Variants in NUMB observed in about 807,000 individuals in gnomAD.
NUMB encodes the protein NUMB endocytic adaptor protein.
NUMB carries 29 observed loss-of-function variants against 59.7 expected under a neutral mutation model. The ratio of observed to expected loss-of-function variants is 0.49; its 90% CI spans 0.36 to 0.66. The LOEUF (loss-of-function observed/expected upper bound fraction) is 0.66. NUMB is among the 30% of genes least tolerant of loss of function. NUMB has a pLI of 0.00. For missense variants in NUMB, 723 were observed against 822.0 expected, an observed-to-expected ratio of 0.88 and a Z score of 1.47; for synonymous variants, 288 against 288.2, an observed-to-expected ratio of 1.00 and a Z score of 0.01.
chr14:73,404,260 A>AAATAAT lies in NUMB; in HGVS notation c.-101+5671_-101+5676dup, dbSNP rs10677503. Among the ~76,000 whole-genome samples the AAATAAT allele has an allele frequency of 7.2e-3, 1,046 of 145,958 alleles. 8 individuals are homozygous for AAATAAT. Among genetic ancestry groups the AAATAAT allele is most frequent in the East Asian group, 0.015 (76 of 4,936 alleles). On this transcript the variant is annotated intron_variant, in intron 2 of 12. Coordinates refer to ENST00000555238, the MANE Select transcript of NUMB (RefSeq NM_001005743.2). ...ATGTCTCAAAAAACAAAAAAAGGTAAAATAATAATAATAATAATAATAATA... is the reference window on the plus strand; with the variant it reads ...ATGTCTCAAAAAACAAAAAAAGGTAAAATAATAATAATAATAATAATAATAATAATA...
At chr14:73,402,217 T>C (rs1278734501) in intron 2 of NUMB, among the ~76,000 whole-genome samples, 5 of 152,216 alleles carry the variant, frequency 3.3e-5, no homozygotes, top group African/African-American at 1.2e-4. Flanking sequence ...ATCCAGTTTC[T>C]GCAGCTATTT....
At chr14:73,370,650 C>T (rs900699674) in intron 2 of NUMB, among the ~76,000 whole-genome samples, 3 of 152,048 alleles carry the variant, frequency 2.0e-5, no homozygotes, top group Admixed American at 6.6e-5. Context: ...CGAGATTGTG[C>T]CACTGCACTC....
intron 4 of NUMB, among the ~76,000 whole-genome samples, chr14:73,342,121 C>G (rs1892668429): frequency 6.6e-6 from 1 of 152,148 alleles, no homozygotes; most frequent in Non-Finnish European, 1.5e-5. Context: ...GGTCTCAAAC[C>G]CCTGGGCCCA....
At chr14:73,358,611 T>C (rs1392015242) in intron 3 of NUMB, among the ~76,000 whole-genome samples, 2 of 149,974 alleles carry the variant, frequency 1.3e-5, no homozygotes, top group East Asian at 1.9e-4. Context: ...ACTTTTTTTT[T>C]TTTTTTTTTT....
intron 4 of NUMB, among the ~76,000 whole-genome samples, chr14:73,353,851 C>A (rs1049645922): frequency 6.6e-6 from 1 of 151,768 alleles, no homozygotes; most frequent in Non-Finnish European, 1.5e-5. Context: ...AGTAAGCCAA[C>A]TGTATGGTGG....
chr14:73,287,038 TG>T, intron 9 of NUMB, 71 bp downstream of exon 9: 2 of 1,414,414 alleles, frequency 1.4e-6, no homozygotes, highest in Non-Finnish European at 2.0e-6. Context: ...AATTTACCCC[TG>T]GTAGCTTCAA....
intron 6 of NUMB, among the ~76,000 whole-genome samples, chr14:73,306,128 G>A (rs1483485190): frequency 6.6e-6 from 1 of 152,158 alleles, no homozygotes; most frequent in Non-Finnish European, 1.5e-5. Context: ...ACTGTGCTCA[G>A]GAAGAGTACA....
chr14:73,316,829 A>G (rs148159012), intron 5 of NUMB, among the ~76,000 whole-genome samples: 10 of 152,354 alleles, frequency 6.6e-5, no homozygotes, highest in African/African-American at 2.4e-4. Flanking sequence ...GGTTCCATAT[A>G]CATTTTTTAA....
intron 2 of NUMB, chr14:73,409,405 A>G (rs1896812758): frequency 6.6e-6 from 1 of 152,204 alleles, no homozygotes; most frequent in Non-Finnish European, 1.5e-5. Flanking sequence ...TCTTGCCAAC[A>G]GCCCAGGCTG....
chr14:73,424,825 G>C (rs1391537309), intron 1 of NUMB, among the ~76,000 whole-genome samples: 1 of 152,194 alleles, frequency 6.6e-6, no homozygotes, highest in Non-Finnish European at 1.5e-5. Flanking sequence ...TGACCGTTCT[G>C]ATTTATAAAG....
In NUMB at chr14:73,316,511, G is replaced by T; in HGVS notation, c.202-89C>A. 5 of 1,275,044 alleles carry T rather than the reference G, an allele frequency of 3.9e-6. No homozygotes were observed. The Admixed American group carries it at 5.5e-5, about 14-fold the overall frequency. 79.0% of individuals were successfully genotyped at this position (1,275,044 alleles called of 1,614,324 possible). A position where few individuals can be genotyped will look rare whatever the true frequency, so the allele number is the denominator to read the frequency against. ...CACCAATAAGCACATACAGAAATTG[G>T]GGAAAGGAAAAAGTGGGAGAAGGGG... On this transcript the variant is annotated intron_variant, in intron 5 of 12. Transcript: ENST00000555238.
At position 73,284,386 on chromosome 14, in the gene NUMB, A is replaced by T; in HGVS notation, c.656-12T>A. The T allele has an allele frequency of 6.2e-7, 1 of 1,603,806 alleles. No homozygotes were observed. The highest frequency in any genetic ancestry group is 8.5e-7 in the Non-Finnish European group (1 of 1,173,938). ...CTTATCTGTTTCAGCTCAAGAAAAT[A>T]AAGAGAATGAAGACCTTAGCAATGT... On this transcript the variant is annotated splice_polypyrimidine_tract_variant and intron_variant, in intron 9 of 12. Transcript: ENST00000555238.
chr14:73,372,623 T>C (rs1003641339), intron 2 of NUMB, among the ~76,000 whole-genome samples: 1 of 151,506 alleles, frequency 6.6e-6, no homozygotes, highest in African/African-American at 2.4e-5. Flanking sequence ...TCTCCAACAA[T>C]GAAAAAACTT....
Position 73,445,354 on chromosome 14 carries a change from C to CAAAAAAAAAA in NUMB, c.-233+13129_-233+13138dup, listed in dbSNP as rs752154048. The stretch of plus-strand genomic sequence containing the variant: ...TGAGTGACAAAGTGAGACCCTGTCT[C>CAAAAAAAAAA]AAAAAAAAAAAAAAAAAAAAAAAAA... On this transcript the variant is annotated intron_variant, in intron 1 of 12. Transcript: ENST00000555238. Among the ~76,000 whole-genome samples, 62 of 57,566 alleles carry CAAAAAAAAAA rather than the reference C, an allele frequency of 1.1e-3. 5 individuals carry two copies. Among genetic ancestry groups the CAAAAAAAAAA allele is most frequent in the East Asian group, 2.4e-3 (2 of 828 alleles). The allele number at this position is 57,566 out of a possible 152,430, so 37.8% of individuals were successfully genotyped here. A position where few individuals can be genotyped will look rare whatever the true frequency, so the allele number is the denominator to read the frequency against.
At chr14:73,308,464 C>T (rs1416922094) in intron 6 of NUMB, among the ~76,000 whole-genome samples, 1 of 152,140 alleles carries the variant, frequency 6.6e-6, no homozygotes, top group Non-Finnish European at 1.5e-5. Context: ...CACCTATCTA[C>T]CAAAACAGGC....
chr14:73,368,749 A>G (rs182950689), intron 2 of NUMB, among the ~76,000 whole-genome samples: 127 of 152,304 alleles, frequency 8.3e-4, no homozygotes, highest in Non-Finnish European at 1.4e-3. Context: ...AAGAAAAGGA[A>G]TATTAAAAGC....
At chr14:73,378,203 C>T (rs1895063283) in intron 2 of NUMB, among the ~76,000 whole-genome samples, 1 of 152,136 alleles carries the variant, frequency 6.6e-6, no homozygotes, top group Non-Finnish European at 1.5e-5. Context: ...CAACCAGATA[C>T]CATTACACAC....
At chr14:73,442,949 A>ACCTCCTCGGCTCAAGTGAT (rs1052562424) in intron 1 of NUMB, among the ~76,000 whole-genome samples, 1 of 151,850 alleles carries the variant, frequency 6.6e-6, no homozygotes, top group African/African-American at 2.4e-5. Context: ...TGCAACCTCT[A>ACCTCCTCGGCTCAAGTGAT]CCTCCTCGGC....
intron 11 of NUMB, among the ~76,000 whole-genome samples, chr14:73,280,429 A>G (rs1351659262): frequency 6.6e-6 from 1 of 151,812 alleles, no homozygotes; most frequent in African/African-American, 2.4e-5. Flanking sequence ...TAACTCACAG[A>G]ACATTTTTTA....
Sources: gnomAD v4.1 joint callset for allele counts (sites outside exome capture counted in the v4.1 genomes callset) on GRCh38, gnomAD v4.1.1 for gene constraint, MANE v1.5 for transcripts, NCBI Gene and HGNC (gene_info 2026-07-23, HGNC 2026-07-21) for gene names.